PACSIN1: variants seen among roughly 807,000 people sequenced by gnomAD.
PACSIN1 encodes protein kinase C and casein kinase substrate in neurons 1.
In PACSIN1, 15 loss-of-function variants were observed where a neutral mutation model predicts 59.5. The ratio of observed to expected loss-of-function variants is 0.25; its 90% CI spans 0.17 to 0.39. PACSIN1 has a LOEUF of 0.39. PACSIN1 is among the 10% of genes least tolerant of loss of function. PACSIN1 has a pLI of 1.00. For missense variants in PACSIN1, 420 were observed against 580.2 expected, an observed-to-expected ratio of 0.72 and a Z score of 2.84; for synonymous variants, 210 against 220.6, an observed-to-expected ratio of 0.95 and a Z score of 0.42.
intron 1 of PACSIN1, among the ~76,000 whole-genome samples, chr6:34,499,425 T>C (rs945812624): frequency 1.2e-4 from 18 of 150,924 alleles, no homozygotes; most frequent in Admixed American, 1.0e-3. Flanking sequence ...CCTGTTATAC[T>C]AGATACAAAA....
intron 1 of PACSIN1, among the ~76,000 whole-genome samples, chr6:34,487,804 G>A (rs996320242): frequency 2.6e-5 from 4 of 152,172 alleles, no homozygotes; most frequent in African/African-American, 7.2e-5. Flanking sequence ...GGACTCAGCC[G>A]TGGACCATGA....
At chr6:34,467,788 C>T (rs1766518876) in intron 1 of PACSIN1, among the ~76,000 whole-genome samples, 1 of 152,286 alleles carries the variant, frequency 6.6e-6, no homozygotes, top group South Asian at 2.1e-4. Flanking sequence ...GAACTCCTGA[C>T]CTCAGGTGAT....
chr6:34,489,529 G>C (rs768959282), intron 1 of PACSIN1, among the ~76,000 whole-genome samples: 5 of 152,188 alleles, frequency 3.3e-5, no homozygotes, highest in Admixed American at 2.0e-4. Context: ...GAGGCAGACA[G>C]TTTCAGAGGC....
chr6:34,477,082 T>C (rs2127241536), intron 1 of PACSIN1, among the ~76,000 whole-genome samples: 1 of 152,336 alleles, frequency 6.6e-6, no homozygotes, highest in South Asian at 2.1e-4. Flanking sequence ...GCCAGCACTC[T>C]GTTCCAAACC....
chr6:34,500,609 G>A (rs892982859), intron 1 of PACSIN1, among the ~76,000 whole-genome samples: 4 of 152,156 alleles, frequency 2.6e-5, no homozygotes, highest in Admixed American at 6.5e-5. Flanking sequence ...TTTCAGGAAT[G>A]GTAAATGAGC....
At chr6:34,487,892 G>T (rs1298561313) in intron 1 of PACSIN1, among the ~76,000 whole-genome samples, 1 of 152,168 alleles carries the variant, frequency 6.6e-6, no homozygotes, top group African/African-American at 2.4e-5. Context: ...ATCCACTGCA[G>T]CCTGCCCCTC....
In PACSIN1 at chr6:34,527,501, G is replaced by A. The variant is rs1291917593; in HGVS notation, c.220+13G>A. ...CTCATCGAGAAAGGTGCTCCCCCAG[G>A]CTCACATCGTGCGCGCCCCCAGGCC... On this transcript the variant is annotated intron_variant, in intron 3 of 9. Coordinates refer to ENST00000244458, the MANE Select transcript of PACSIN1 (RefSeq NM_020804.5). 1 of 1,578,298 alleles carries A rather than the reference G, an allele frequency of 6.3e-7. No individual in the cohort carries two copies. Among genetic ancestry groups the A allele is most frequent in the Admixed American group, 1.8e-5 (1 of 55,080 alleles).
At chr6:34,522,080 T>A (rs954923001) in intron 1 of PACSIN1, among the ~76,000 whole-genome samples, 1 of 152,182 alleles carries the variant, frequency 6.6e-6, no homozygotes, top group South Asian at 2.1e-4. Context: ...TCTGTGAGGA[T>A]TGCTGTGAGA....
At chr6:34,497,081 T>G (rs1468532934) in intron 1 of PACSIN1, among the ~76,000 whole-genome samples, 1 of 151,738 alleles carries the variant, frequency 6.6e-6, no homozygotes, top group East Asian at 1.9e-4. Context: ...CCCAAGTAGC[T>G]GGGAATACAG....
intron 1 of PACSIN1, among the ~76,000 whole-genome samples, chr6:34,508,671 G>A (rs1767152778): frequency 6.6e-6 from 1 of 152,050 alleles, no homozygotes; most frequent in Non-Finnish European, 1.5e-5. Context: ...CCACATCCTT[G>A]CCAACACTTA....
intron 1 of PACSIN1, among the ~76,000 whole-genome samples, chr6:34,471,988 G>A (rs2113832057): frequency 6.6e-6 from 1 of 152,352 alleles, no homozygotes; most frequent in Middle Eastern, 3.4e-3. Context: ...TATTACCAGT[G>A]TGGAAAGATG....
intron 1 of PACSIN1, among the ~76,000 whole-genome samples, chr6:34,505,531 T>C (rs1767098734): frequency 6.6e-6 from 1 of 151,824 alleles, no homozygotes; most frequent in Admixed American, 6.6e-5. Flanking sequence ...TTCTTTCTTT[T>C]TTTTTTTTTC....
At chr6:34,484,243 C>A (rs1766761032) in intron 1 of PACSIN1, among the ~76,000 whole-genome samples, 1 of 152,128 alleles carries the variant, frequency 6.6e-6, no homozygotes, top group Non-Finnish European at 1.5e-5. Context: ...GTGGCACATC[C>A]TGGCAATGGA....
At chr6:34,491,077 G>T (rs1181235932) in intron 1 of PACSIN1, among the ~76,000 whole-genome samples, 3 of 152,038 alleles carry the variant, frequency 2.0e-5, no homozygotes, top group African/African-American at 4.8e-5. Context: ...CCGACTCATC[G>T]TGGGCTGAGC....
intron 1 of PACSIN1, among the ~76,000 whole-genome samples, chr6:34,499,097 T>C (rs927149029): frequency 6.6e-5 from 10 of 151,854 alleles, no homozygotes; most frequent in Non-Finnish European, 1.5e-4. Flanking sequence ...TAATATAGAA[T>C]CAGTGGGAGC....
chr6:34,493,672 G>A (rs1014060791), intron 1 of PACSIN1, among the ~76,000 whole-genome samples: 1 of 152,226 alleles, frequency 6.6e-6, no homozygotes, highest in Non-Finnish European at 1.5e-5. Flanking sequence ...ATGGGTAGGA[G>A]GACGTGAGAT....
chr6:34,496,453 G>T (rs1029144235), intron 1 of PACSIN1, among the ~76,000 whole-genome samples: 2 of 152,208 alleles, frequency 1.3e-5, no homozygotes, highest in Admixed American at 6.5e-5. Flanking sequence ...ACATGGGTGA[G>T]CTCTTGGCGC....
intron 1 of PACSIN1, among the ~76,000 whole-genome samples, chr6:34,480,396 T>A (rs1025301508): frequency 6.6e-6 from 1 of 151,826 alleles, no homozygotes; most frequent in Non-Finnish European, 1.5e-5. Context: ...AGCTAATTTT[T>A]AAATTTTTTG....
At chr6:34,481,946 C>T (rs1302093589) in intron 1 of PACSIN1, among the ~76,000 whole-genome samples, 1 of 152,204 alleles carries the variant, frequency 6.6e-6, no homozygotes, top group African/African-American at 2.4e-5. Context: ...ACAGCTACTT[C>T]CCAATTCCCC....
Sources: allele counts gnomAD v4.1 joint callset (sites outside exome capture counted in the v4.1 genomes callset), GRCh38; gene constraint gnomAD v4.1.1; transcripts MANE v1.5; gene names NCBI Gene and HGNC (gene_info 2026-07-23, HGNC 2026-07-21).